Variants in AK9 observed in about 807,000 individuals in gnomAD.
AK9 encodes adenylate kinase 9.
In AK9, 191 loss-of-function variants were observed where a neutral mutation model predicts 239.6. That is an observed-to-expected ratio of 0.80 (90% CI 0.71 to 0.90). The LOEUF (loss-of-function observed/expected upper bound fraction) is 0.90, where lower values mean the gene tolerates loss of function less well. Ranked by LOEUF, AK9 falls within the 40% of genes least tolerant of loss-of-function variation. The pLI is 0.00. For missense variants in AK9, 1,995 were observed against 2,214.7 expected, an observed-to-expected ratio of 0.90 and a Z score of 1.99; for synonymous variants, 689 against 721.0, an observed-to-expected ratio of 0.96 and a Z score of 0.71.
In AK9 at chr6:109,493,494, G is replaced by T. The variant is rs375480788; in HGVS notation, c.5611C>A (p.Leu1871Ile). 6.2e-7 allele frequency: 1 copy of T among 1,614,090 alleles called. No individual in the cohort carries two copies. The highest frequency in any genetic ancestry group is 1.7e-5 in the Admixed American group (1 of 60,026). ...KMEQFMESCE[L>I]ITYLGAKMTR... ...ATCTTGGCACCCAAGTATGTTATGA[G>T]TTCACAACTCTCCATAAACTGCTCC... is the stretch of plus-strand genomic sequence containing the variant. The change falls in exon 41 of 41, where the codon CTC becomes ATC. Residue 1871 changes from leucine to isoleucine, a missense_variant. Around this residue, in one of 5 missense-constraint regions of AK9, gnomAD observed 391 missense variants for 456.0 expected, o/e 0.86. Transcript: ENST00000424296.
intron 17 of AK9, among the ~76,000 whole-genome samples, chr6:109,607,368 GA>G (rs927974235): frequency 6.7e-6 from 1 of 149,718 alleles, no homozygotes; most frequent in Non-Finnish European, 1.5e-5. Flanking sequence ...AAAATATTTG[GA>G]AAAAAAAAGG....
chr6:109,641,604 G>A lies in AK9; in HGVS notation c.847C>T (p.Arg283Ter), dbSNP rs201060409. The change falls in exon 10 of 41, where the codon CGA becomes TGA. Residue 283 changes from arginine to a stop codon, truncating the protein, a stop_gained. Coordinates refer to ENST00000424296, the MANE Select transcript of AK9 (RefSeq NM_001145128.3). LOFTEE classifies it high-confidence loss of function. ...CTTTTTAGGTTCAGATATTTAAGTC[G>A]ATCCATAACAATCTAGATTTAAAGA... The part of the protein sequence containing the change: ...AEELFMIVMD[R>*]LKYLNLKRAA... The A allele has an allele frequency of 3.1e-5, 50 of 1,611,008 alleles. No homozygotes were observed. Among genetic ancestry groups the A allele is most frequent in the South Asian group, 3.3e-5 (3 of 90,970 alleles).
At chr6:109,671,503 G>C (rs1006136574) in intron 5 of AK9, among the ~76,000 whole-genome samples, 7 of 152,196 alleles carry the variant, frequency 4.6e-5, no homozygotes, top group African/African-American at 1.7e-4. Flanking sequence ...ACAATATCTG[G>C]AGCTCAACAG....
At chr6:109,561,700 T>C (rs1382695274) in intron 24 of AK9, among the ~76,000 whole-genome samples, 1 of 152,210 alleles carries the variant, frequency 6.6e-6, no homozygotes. Context: ...CTGTTATCCT[T>C]ATCTTTGTTC....
In AK9 at chr6:109,493,300, A is replaced by C; in HGVS notation, c.*69T>G. 6.7e-7 allele frequency: 1 copy of C among 1,501,914 alleles called. No homozygotes were observed. The highest frequency in any genetic ancestry group is 1.2e-5 in the South Asian group (1 of 84,486). 93.0% of individuals were successfully genotyped at this position (1,501,914 alleles called of 1,614,324 possible). On this transcript the variant is annotated 3_prime_UTR_variant, in exon 41 of 41. Coordinates refer to ENST00000424296, the MANE Select transcript of AK9 (RefSeq NM_001145128.3). The stretch of plus-strand genomic sequence containing the variant: ...TCCAAGAGGCCCAGATTTTCAATCT[A>C]CTTCTCTCAGTTTCCCTCTATCACT...
In AK9 at chr6:109,675,746, G is replaced by T; in HGVS notation, c.-1C>A. The T allele has an allele frequency of 6.5e-7, 1 of 1,536,394 alleles. No individual in the cohort carries two copies. Among genetic ancestry groups the T allele is most frequent in the South Asian group, 1.2e-5 (1 of 83,330 alleles). ...CTTCTGTCTTCTCTTGAGAAGTCAT[G>T]ACACAAAATACTACAATAAAAAAGG... On this transcript the variant is annotated 5_prime_UTR_variant, in exon 2 of 41. Coordinates refer to ENST00000424296, the MANE Select transcript of AK9 (RefSeq NM_001145128.3).
intron 24 of AK9, among the ~76,000 whole-genome samples, chr6:109,554,744 C>T (rs1048838490): frequency 6.6e-6 from 1 of 151,988 alleles, no homozygotes; most frequent in African/African-American, 2.4e-5. Context: ...GTTAGCCAGG[C>T]TTGTCTCGAA....
At chr6:109,604,425 G>C (rs575759343) in intron 17 of AK9, among the ~76,000 whole-genome samples, 1 of 152,188 alleles carries the variant, frequency 6.6e-6, no homozygotes, top group African/African-American at 2.4e-5. Flanking sequence ...TTGATAGAAA[G>C]TGAGAATCTA....
At chr6:109,603,516 G>A (rs1287125043) in intron 17 of AK9, among the ~76,000 whole-genome samples, 2 of 152,108 alleles carry the variant, frequency 1.3e-5, no homozygotes, top group Admixed American at 1.3e-4. Flanking sequence ...CTACTTGGGG[G>A]TCAGGGACCC....
chr6:109,581,855 A>G (rs539596436), intron 19 of AK9, among the ~76,000 whole-genome samples: 1 of 152,338 alleles, frequency 6.6e-6, no homozygotes, highest in South Asian at 2.1e-4. Context: ...GGAGAAGTCA[A>G]TGCCTGGCTT....
intron 12 of AK9, among the ~76,000 whole-genome samples, chr6:109,627,966 T>C (rs1410333196): frequency 1.3e-5 from 2 of 152,236 alleles, no homozygotes. Flanking sequence ...TTATGCTTTA[T>C]TAAATCCAAA....
chr6:109,667,803 C>T (rs978253719), intron 5 of AK9, among the ~76,000 whole-genome samples: 7 of 152,092 alleles, frequency 4.6e-5, no homozygotes, highest in Admixed American at 2.0e-4. Flanking sequence ...AGTCTATCAT[C>T]GTTGGACATC....
At chr6:109,606,793 G>C (rs1320530264) in intron 17 of AK9, among the ~76,000 whole-genome samples, 1 of 152,186 alleles carries the variant, frequency 6.6e-6, no homozygotes, top group Non-Finnish European at 1.5e-5. Flanking sequence ...AGAGAACAGG[G>C]AGAAGTGCGA....
intron 28 of AK9, among the ~76,000 whole-genome samples, chr6:109,531,732 C>T (rs756583627): frequency 6.6e-6 from 1 of 152,172 alleles, no homozygotes; most frequent in Non-Finnish European, 1.5e-5. Flanking sequence ...TTGGTAGGCT[C>T]TCATCTTTGG....
At chr6:109,517,320 T>C (rs1779380776) in intron 29 of AK9, among the ~76,000 whole-genome samples, 1 of 152,186 alleles carries the variant, frequency 6.6e-6, no homozygotes, top group Admixed American at 6.5e-5. Context: ...AAAAATTTCT[T>C]TGGTACTCAG....
chr6:109,516,023 C>A lies in AK9; in HGVS notation c.3899G>T (p.Arg1300Ile). 1 of 1,551,246 alleles carries A rather than the reference C, an allele frequency of 6.4e-7. No homozygotes were observed. Among genetic ancestry groups the A allele is most frequent in the Admixed American group, 2.0e-5 (1 of 50,986 alleles). ...CAATGTATATTGTACAATGTGATTT[C>A]TCCGAGCTCCATTAATGGAAATTAT... ...IPIISINGAR[R>I]NHIVQYTLNM... The change falls in exon 31 of 41, where the codon AGA becomes ATA. Residue 1300 changes from arginine to isoleucine, a missense_variant. Physicochemically the swap from Arg to Ile is moderately conservative, Grantham distance 97. Coordinates refer to ENST00000424296, the MANE Select transcript of AK9 (RefSeq NM_001145128.3).
intron 28 of AK9, among the ~76,000 whole-genome samples, chr6:109,530,594 G>A (rs949268295): frequency 3.9e-5 from 6 of 152,050 alleles, no homozygotes; most frequent in African/African-American, 1.4e-4. Flanking sequence ...TACACATTCC[G>A]AGTCTACTTT....
chr6:109,657,797 C>T (rs1799909074), intron 7 of AK9, among the ~76,000 whole-genome samples: 1 of 151,882 alleles, frequency 6.6e-6, no homozygotes, highest in Non-Finnish European at 1.5e-5. Context: ...AGAACATGTG[C>T]CACACAAGTT....
intron 9 of AK9, among the ~76,000 whole-genome samples, chr6:109,642,187 A>C (rs1797533688): frequency 6.6e-6 from 1 of 152,170 alleles, no homozygotes; most frequent in Non-Finnish European, 1.5e-5. Flanking sequence ...TTGATTTTGG[A>C]CTTTTAGCCT....
Sources: gnomAD v4.1 joint callset for allele counts (sites outside exome capture counted in the v4.1 genomes callset) on GRCh38, gnomAD v4.1.1 for gene constraint, gnomAD v4.1.1 regional missense constraint, MANE v1.5 for transcripts, NCBI Gene and HGNC (gene_info 2026-07-23, HGNC 2026-07-21) for gene names.